PKDCC: variants seen among roughly 807,000 people sequenced by gnomAD.
The protein encoded by PKDCC is extracellular tyrosine-protein kinase PKDCC.
Under a neutral mutation model 44.7 loss-of-function variants are expected in PKDCC, and 35 were observed. The observed-to-expected ratio is 0.78, with a 90% CI of 0.60 to 1.04. The LOEUF (loss-of-function observed/expected upper bound fraction) is 1.04. PKDCC is among the 50% of genes least tolerant of loss of function. The probability of loss-of-function intolerance (pLI) is 0.00; values close to 1 mark genes in which losing one functional copy is unlikely to be tolerated. For missense variants in PKDCC, 738 were observed against 672.7 expected (o/e 1.10, Z -1.07); for synonymous variants, 353 against 303.3 (o/e 1.16, Z -1.70).
At chr2:42,053,873 C>G (rs551645508) in intron 2 of PKDCC, among the ~76,000 whole-genome samples, 163 bp from the exon 3 acceptor site, 5 of 152,322 alleles carry the variant, frequency 3.3e-5, no homozygotes, top group African/African-American at 1.2e-4. Flanking sequence ...GGCCTCCTCT[C>G]TAAGGCTGCT....
rs1323177448 is a variant in PKDCC, at chr2:42,048,808, G to A, written c.609G>A (p.Leu203=). The A allele has an allele frequency of 1.4e-6, 2 of 1,477,230 alleles. No homozygotes were observed. The highest frequency in any genetic ancestry group is 1.8e-6 in the Non-Finnish European group (2 of 1,105,368). 91.5% of individuals were successfully genotyped at this position (1,477,230 alleles called of 1,614,324 possible). A position where few individuals can be genotyped will look rare whatever the true frequency, so the allele number is the denominator to read the frequency against. The change falls in exon 1 of 7, where the codon CTG becomes CTA. Residue 203 remains leucine, a synonymous_variant. Coordinates refer to ENST00000294964, the MANE Select transcript of PKDCC (RefSeq NM_138370.3). This position sits in a 1 kb window ranked among gnomAD's most constrained non-coding sequence, Gnocchi z 6.2. ...AHKLLKEMVL[L]ERLRHPNVLQ... Reference sequence around the variant, plus strand: ...AGCTGCTTAAGGAGATGGTGCTGCTGGAGCGGCTGCGGCACCCCAACGTGC... The same window carrying A: ...AGCTGCTTAAGGAGATGGTGCTGCTAGAGCGGCTGCGGCACCCCAACGTGC...
chr2:42,048,505 C>T lies in PKDCC; in HGVS notation c.306C>T (p.Pro102=). The T allele has an allele frequency of 9.0e-7, 1 of 1,105,412 alleles. No homozygotes were observed. The allele number at this position is 1,105,412 out of a possible 1,614,324, so 68.5% of individuals were successfully genotyped here. A position where few individuals can be genotyped will look rare whatever the true frequency, so the allele number is the denominator to read the frequency against. Reference sequence around the variant, plus strand: ...GGCCCGGCCTGCCGCGCCCCCGGCCCCCTTGGGCCCGGCCCCTGTCCGACG... The same window carrying T: ...GGCCCGGCCTGCCGCGCCCCCGGCCTCCTTGGGCCCGGCCCCTGTCCGACG... ...PGGPGLPRPR[P]PWARPLSDGA... The change falls in exon 1 of 7, where the codon CCC becomes CCT. Residue 102 remains proline, a synonymous_variant. Transcript: ENST00000294964. The surrounding 1 kb of genome is among the most constrained non-coding windows in gnomAD (Gnocchi z 6.2).
At position 42,052,042 on chromosome 2, in the gene PKDCC, G is replaced by A. The variant is rs375000901; in HGVS notation, c.640-1197G>A. Among the ~76,000 whole-genome samples the A allele has an allele frequency of 1.5e-4, 23 of 152,090 alleles. No individual in the cohort carries two copies. Among genetic ancestry groups the A allele is most frequent in the African/African-American group, 4.6e-4 (19 of 41,390 alleles). ...CTGTGGAGTATGTTGGAAGAGCCAG[G>A]GGGATGCCTGTGGGTGCTGTTAAGG... On this transcript the variant is annotated intron_variant, in intron 1 of 6. Transcript: ENST00000294964. The surrounding 1 kb of genome is among the most constrained non-coding windows in gnomAD (Gnocchi z 4.3).
chr2:42,052,319 C>T lies in PKDCC; in HGVS notation c.640-920C>T, dbSNP rs1667982684. Among the ~76,000 whole-genome samples the T allele has an allele frequency of 6.6e-6, 1 of 152,184 alleles. No homozygotes were observed. Among genetic ancestry groups the T allele is most frequent in the Admixed American group, 6.5e-5 (1 of 15,276 alleles). On this transcript the variant is annotated intron_variant, in intron 1 of 6. Coordinates refer to ENST00000294964, the MANE Select transcript of PKDCC (RefSeq NM_138370.3). The surrounding 1 kb of genome is among the most constrained non-coding windows in gnomAD (Gnocchi z 4.3). ...GTCTAAGGGAACTTGCTTTTCCTCC[C>T]TCAAGACCCACGCAGAGAAAATTGA...
In PKDCC at chr2:42,054,172, G is replaced by T. The variant is rs34372645; in HGVS notation, c.899G>T (p.Arg300Leu). 4.3e-6 allele frequency: 7 copies of T among 1,611,954 alleles called. No individual in the cohort carries two copies. In the East Asian group the frequency reaches 1.6e-4, roughly 36 times the overall value. The change falls in exon 3 of 7, where the codon CGT becomes CTT. Residue 300 changes from arginine to leucine, a missense_variant. Transcript: ENST00000294964. The surrounding 1 kb of genome is among the most constrained non-coding windows in gnomAD (Gnocchi z 6.1). ...AAAGTGACGGACCTGGATGACGCAC[G>T]TGTGGAGGAGACGCCGTGTGCAGGC... Reference protein sequence around the residue: ...ELKVTDLDDARVEETPCAGST... With the variant: ...ELKVTDLDDALVEETPCAGST...
At chr2:42,050,612 A>G (rs993735868) in intron 1 of PKDCC, among the ~76,000 whole-genome samples, 1 of 152,154 alleles carries the variant, frequency 6.6e-6, no homozygotes, top group African/African-American at 2.4e-5. Flanking sequence ...AAAAAATTAC[A>G]ACAGAATAGT....
At position 42,055,969 on chromosome 2, in the gene PKDCC, G is replaced by A. The variant is rs1003656667; in HGVS notation, c.1222+576G>A. Among the ~76,000 whole-genome samples the A allele has an allele frequency of 6.6e-6, 1 of 152,172 alleles. No individual in the cohort carries two copies. Among genetic ancestry groups the A allele is most frequent in the Non-Finnish European group, 1.5e-5 (1 of 68,032 alleles). ...ACTGGTTTCAGGCTGTGGTCCTTCT[G>A]CTGAAGCCCTGGGGTTTAGCTGGGG... On this transcript the variant is annotated intron_variant, in intron 5 of 6. Transcript: ENST00000294964. This position sits in a 1 kb window ranked among gnomAD's most constrained non-coding sequence, Gnocchi z 4.5.
Position 42,054,037 on chromosome 2 carries a change from T to C in PKDCC, c.764T>C (p.Ile255Thr). 1 of 1,610,528 alleles carries C rather than the reference T, an allele frequency of 6.2e-7. No homozygotes were observed. The highest frequency in any genetic ancestry group is 8.5e-7 in the Non-Finnish European group (1 of 1,178,848). ...GCAGTCTTTTCTTGTGCCCCTCAGA[T>C]CTGCCTGAGCCTGGGCCGCCTCCTC... ...LQTSWEDRFR[I>T]CLSLGRLLHH... The change falls in exon 3 of 7, where the codon ATC (isoleucine) becomes ACC (threonine). Residue 255 changes from isoleucine to threonine, a missense_variant and splice_region_variant. Transcript: ENST00000294964. This position sits in a 1 kb window ranked among gnomAD's most constrained non-coding sequence, Gnocchi z 6.1.
chr2:42,048,685 G>A lies in PKDCC; in HGVS notation c.486G>A (p.Ala162=). 2 of 1,549,094 alleles carry A rather than the reference G, an allele frequency of 1.3e-6. No homozygotes were observed. Among genetic ancestry groups the A allele is most frequent in the Non-Finnish European group, 8.7e-7 (1 of 1,147,342 alleles). Residue 162 remains alanine, a synonymous_variant, in exon 1 of 7, where the codon GCG becomes GCA. Transcript: ENST00000294964. The surrounding 1 kb of genome is among the most constrained non-coding windows in gnomAD (Gnocchi z 6.2). ...GGGTCCGCCTGCCCGGCGGTGCCGC[G>A]GTGGCGCTCAAGGCGGTGGACTTTA... ...VYRVRLPGGA[A]VALKAVDFSG... is the part of the protein sequence containing the mutation.
Position 42,055,474 on chromosome 2 carries a change from C to A in PKDCC, c.1222+81C>A. 8.0e-7 allele frequency: 1 copy of A among 1,242,446 alleles called. No individual in the cohort carries two copies. The highest frequency in any genetic ancestry group is 1.1e-6 in the Non-Finnish European group (1 of 874,400). 77.0% of individuals were successfully genotyped at this position (1,242,446 alleles called of 1,614,324 possible). ...GACCCCGCCCAATTAGGCTAAGTGGCTCACCCTTTCTCTGGGGACCCTTGT... is the reference window on the plus strand; with the variant it reads ...GACCCCGCCCAATTAGGCTAAGTGGATCACCCTTTCTCTGGGGACCCTTGT... On this transcript the variant is annotated intron_variant, in intron 5 of 6. Coordinates refer to ENST00000294964, the MANE Select transcript of PKDCC (RefSeq NM_138370.3). The surrounding 1 kb of genome is among the most constrained non-coding windows in gnomAD (Gnocchi z 4.5).
Position 42,048,765 on chromosome 2 carries a change from A to G in PKDCC, c.566A>G (p.Tyr189Cys). Reference sequence around the variant, plus strand: ...GAGTTCGGGGTACGGAGGGGCTGCTATCGGCTGGCGGCCCACAAGCTGCTT... The same window carrying G: ...GAGTTCGGGGTACGGAGGGGCTGCTGTCGGCTGGCGGCCCACAAGCTGCTT... ...VREFGVRRGC[Y>C]RLAAHKLLKE... The change falls in exon 1 of 7, where the codon TAT (tyrosine) becomes TGT (cysteine). Residue 189 changes from tyrosine to cysteine, a missense_variant. Physicochemically the swap from Tyr to Cys is radical, Grantham distance 194 (BLOSUM62 -2). Transcript: ENST00000294964. The surrounding 1 kb of genome is among the most constrained non-coding windows in gnomAD (Gnocchi z 6.2). 1 of 1,571,362 alleles carries G rather than the reference A, an allele frequency of 6.4e-7. No individual in the cohort carries two copies. The highest frequency in any genetic ancestry group is 8.6e-7 in the Non-Finnish European group (1 of 1,159,984).
rs746808292 is a variant in PKDCC at position 42,048,255 on chromosome 2, G to T, written c.56G>T (p.Gly19Val). 6.2e-6 allele frequency: 8 copies of T among 1,280,154 alleles called. No individual in the cohort carries two copies. In the South Asian group the frequency reaches 1.1e-4, roughly 17 times the overall value. The allele number at this position is 1,280,154 out of a possible 1,614,324, so 79.3% of individuals were successfully genotyped here. ...AAGFCASFLLGSVLNVLFAPG... is the reference protein window; with the variant it reads ...AAGFCASFLLVSVLNVLFAPG... ...GGTTTCTGCGCCTCCTTCCTGCTGG[G>T]CTCCGTCCTCAACGTGCTCTTCGCT... Residue 19 changes from glycine (G) to valine (V), a missense_variant, in exon 1 of 7, where the codon GGC becomes GTC. Gly to Val is a moderately radical substitution (Grantham distance 109, BLOSUM62 -3). Transcript: ENST00000294964. The surrounding 1 kb of genome is among the most constrained non-coding windows in gnomAD (Gnocchi z 6.2).
intron 2 of PKDCC, among the ~76,000 whole-genome samples, 171 bp from the exon 3 acceptor site, chr2:42,053,865 C>G (rs908637993): frequency 6.6e-6 from 1 of 152,154 alleles, no homozygotes; most frequent in South Asian, 2.1e-4. Context: ...AAATCACTGG[C>G]CTCCTCTCTA....
chr2:42,054,877 G>A lies in PKDCC; in HGVS notation c.1035-64G>A. 1 of 1,468,714 alleles carries A rather than the reference G, an allele frequency of 6.8e-7. No individual in the cohort carries two copies. The highest frequency in any genetic ancestry group is 1.1e-5 in the South Asian group (1 of 87,970). The allele number at this position is 1,468,714 out of a possible 1,614,324, so 91.0% of individuals were successfully genotyped here. A position where few individuals can be genotyped will look rare whatever the true frequency, so the allele number is the denominator to read the frequency against. On this transcript the variant is annotated intron_variant, in intron 3 of 6. Transcript: ENST00000294964. The surrounding 1 kb of genome is among the most constrained non-coding windows in gnomAD (Gnocchi z 6.1). Reference sequence around the variant, plus strand: ...CAGGTTAGCGTTCTGCCCCAGGTTGGAATAGAGGAAGGATGTGTCTCCAAA... The same window carrying A: ...CAGGTTAGCGTTCTGCCCCAGGTTGAAATAGAGGAAGGATGTGTCTCCAAA...
chr2:42,055,194 C>A lies in PKDCC; in HGVS notation c.1115-92C>A. On this transcript the variant is annotated intron_variant, in intron 4 of 6. Coordinates refer to ENST00000294964, the MANE Select transcript of PKDCC (RefSeq NM_138370.3). This position sits in a 1 kb window ranked among gnomAD's most constrained non-coding sequence, Gnocchi z 4.5. ...CGCCCTCTGTTCACTGGGGCACAGG[C>A]TCTGGAGGCAGAGGTGGGAGCAGCT... is the stretch of plus-strand genomic sequence containing the variant. 2 of 1,346,678 alleles carry A rather than the reference C, an allele frequency of 1.5e-6. No individual in the cohort carries two copies. The highest frequency in any genetic ancestry group is 2.1e-6 in the Non-Finnish European group (2 of 963,720). 83.4% of individuals were successfully genotyped at this position (1,346,678 alleles called of 1,614,324 possible). A position where few individuals can be genotyped will look rare whatever the true frequency, so the allele number is the denominator to read the frequency against.
At chr2:42,057,506 G>C in intron 6 of PKDCC, 97 bp from the exon 7 acceptor site, 3 of 1,549,354 alleles carry the variant, frequency 1.9e-6, no homozygotes, top group South Asian at 2.3e-5. Context: ...ATGAGAGAGA[G>C]GTATACGTGT....
At position 42,055,083 on chromosome 2, in the gene PKDCC, TG is replaced by T; in HGVS notation, c.1114+67del. ...CCCCACCCCCACCCGCCAGCAAAAGTGGGGAGAAAAATAACCCAGGGCAGCA... is the reference window on the plus strand; with the variant it reads ...CCCCACCCCCACCCGCCAGCAAAAGTGGGAGAAAAATAACCCAGGGCAGCA... On this transcript the variant is annotated intron_variant, in intron 4 of 6. Coordinates refer to ENST00000294964, the MANE Select transcript of PKDCC (RefSeq NM_138370.3). This position sits in a 1 kb window ranked among gnomAD's most constrained non-coding sequence, Gnocchi z 4.5. 6.6e-7 allele frequency: 1 copy of T among 1,515,252 alleles called. No homozygotes were observed. Among genetic ancestry groups the T allele is most frequent in the South Asian group, 1.1e-5 (1 of 88,446 alleles). The allele number at this position is 1,515,252 out of a possible 1,614,324, so 93.9% of individuals were successfully genotyped here.
chr2:42,050,097 TC>T (rs1222025136), intron 1 of PKDCC, among the ~76,000 whole-genome samples: 2 of 151,998 alleles, frequency 1.3e-5, no homozygotes, highest in African/African-American at 4.8e-5. Context: ...GCTCCCAGTC[TC>T]CCCCTCCCCC....
At chr2:42,053,200 C>T (rs1231880144) in intron 1 of PKDCC, 39 bp from the exon 2 acceptor site, 1 of 1,401,202 alleles carries the variant, frequency 7.1e-7, no homozygotes, top group Non-Finnish European at 9.8e-7. Flanking sequence ...TCCCCACCCC[C>T]ACCCTGTGAC....
Sources: allele counts gnomAD v4.1 joint callset (sites outside exome capture counted in the v4.1 genomes callset), GRCh38; gene constraint gnomAD v4.1.1; non-coding constraint Gnocchi (gnomAD v3.1); transcripts MANE v1.5; gene names NCBI Gene and HGNC (gene_info 2026-07-23, HGNC 2026-07-21).